The following EPHA5 variants were observed in gnomAD, a reference collection of about 807,000 sequenced individuals.
EPHA5 encodes the protein ephrin type-A receptor 5.
In EPHA5, 60 loss-of-function variants were observed where a neutral mutation model predicts 105.0. That is an observed-to-expected ratio of 0.57 (90% confidence interval 0.46 to 0.71). EPHA5 has a LOEUF of 0.71. EPHA5 is among the 30% of genes least tolerant of loss of function. EPHA5 has a pLI of 0.00. For synonymous variants in EPHA5, 513 were observed against 449.1 expected (o/e 1.14, Z -1.80); for missense variants, 1,218 against 1,274.7 (o/e 0.96, Z 0.68).
intron 2 of EPHA5, among the ~76,000 whole-genome samples, chr4:65,637,334 G>A (rs1482379444): frequency 6.7e-6 from 1 of 149,606 alleles, no homozygotes; most frequent in Admixed American, 6.7e-5. Flanking sequence ...GTCACAGATT[G>A]GTAACTTAAA....
chr4:65,563,196 C>T (rs1739197657), intron 3 of EPHA5, among the ~76,000 whole-genome samples: 1 of 151,888 alleles, frequency 6.6e-6, no homozygotes. Context: ...ACTTTAGATC[C>T]CCATTTGGCA....
At chr4:65,328,389 A>G (rs917294431) in intron 16 of EPHA5, among the ~76,000 whole-genome samples, 2 of 151,304 alleles carry the variant, frequency 1.3e-5, no homozygotes, top group Non-Finnish European at 1.5e-5. Flanking sequence ...GAATGAAAAT[A>G]GAGTAATAAA....
chr4:65,401,931 GAA>G (rs1721877654), intron 8 of EPHA5, among the ~76,000 whole-genome samples: 1 of 146,024 alleles, frequency 6.8e-6, no homozygotes, highest in African/African-American at 2.6e-5. Flanking sequence ...GAGAGAGAGA[GAA>G]AGAGAGAGAG....
chr4:65,454,390 AG>A (rs1727371770), intron 5 of EPHA5, among the ~76,000 whole-genome samples: 1 of 152,200 alleles, frequency 6.6e-6, no homozygotes, highest in East Asian at 1.9e-4. Flanking sequence ...AAATCTTTTT[AG>A]TTGTGTACAA....
chr4:65,371,374 A>C (rs1718453450), intron 8 of EPHA5, among the ~76,000 whole-genome samples: 1 of 152,002 alleles, frequency 6.6e-6, no homozygotes, highest in Admixed American at 6.6e-5. Context: ...TATACCAATG[A>C]CCTTATGGCT....
intron 12 of EPHA5, 104 bp downstream of exon 12, chr4:65,352,938 A>T: frequency 1.6e-6 from 1 of 637,096 alleles, no homozygotes; most frequent in Non-Finnish European, 2.6e-6. Context: ...CTTAAGCTTT[A>T]AAGTGGCCCA....
chr4:65,519,038 T>G (rs892295614), intron 3 of EPHA5, among the ~76,000 whole-genome samples: 8 of 152,150 alleles, frequency 5.3e-5, no homozygotes, highest in South Asian at 4.1e-4. Flanking sequence ...ACCAATATCC[T>G]TGATGAACAT....
rs369749650 is a variant in EPHA5 at position 65,357,873 on chromosome 4, T to C, written c.2174-4770A>G. On this transcript the variant is annotated intron_variant, in intron 11 of 16. Transcript: ENST00000613740. ...AAAAAAATGAGTTTTTTTAACTTAT[T>C]ATGTGACTTTTTTGGTGCTAACGTC... Among the ~76,000 whole-genome samples, 769 of 151,506 alleles carry C rather than the reference T, an allele frequency of 5.1e-3. 11 individuals carry two copies. Among genetic ancestry groups the C allele is most frequent in the African/African-American group, 0.018 (739 of 41,442 alleles).
intron 14 of EPHA5, among the ~76,000 whole-genome samples, chr4:65,340,122 G>A (rs1447522320): frequency 6.6e-6 from 1 of 152,020 alleles, no homozygotes. Context: ...TACTAACATG[G>A]TCTCATTCAA....
At chr4:65,342,743 T>C (rs1363637721) in intron 14 of EPHA5, among the ~76,000 whole-genome samples, 1 of 151,322 alleles carries the variant, frequency 6.6e-6, no homozygotes, top group African/African-American at 2.4e-5. Context: ...ATGAGCAATA[T>C]ACATACACAT....
intron 3 of EPHA5, among the ~76,000 whole-genome samples, chr4:65,594,981 T>C (rs973392226): frequency 1.3e-5 from 2 of 152,114 alleles, no homozygotes; most frequent in African/African-American, 4.8e-5. Context: ...CAGATTTTTA[T>C]AAGCAAATAC....
intron 5 of EPHA5, among the ~76,000 whole-genome samples, chr4:65,464,925 TAAC>T (rs1360947166): frequency 6.6e-6 from 1 of 152,136 alleles, no homozygotes; most frequent in Non-Finnish European, 1.5e-5. Context: ...TACTAATCAC[TAAC>T]AATTCAGTCA....
At chr4:65,487,952 T>G (rs142767713) in intron 5 of EPHA5, among the ~76,000 whole-genome samples, 292 of 152,298 alleles carry the variant, frequency 1.9e-3, no homozygotes, top group African/African-American at 6.4e-3. Context: ...AAAATAAGAC[T>G]TAGTGATTCT....
intron 1 of EPHA5, among the ~76,000 whole-genome samples, chr4:65,659,838 T>C (rs890976201): frequency 6.6e-6 from 1 of 152,150 alleles, no homozygotes; most frequent in African/African-American, 2.4e-5. Context: ...CATTAATACC[T>C]TTTGAAAATA....
intron 2 of EPHA5, among the ~76,000 whole-genome samples, chr4:65,620,775 T>C (rs1290648650): frequency 1.3e-5 from 2 of 152,166 alleles, no homozygotes; most frequent in Non-Finnish European, 2.9e-5. Context: ...AAGATTTTTC[T>C]GGAACAAAGA....
Position 65,525,051 on chromosome 4 carries a change from A to G in EPHA5, c.911-29508T>C, listed in dbSNP as rs190955769. On this transcript the variant is annotated intron_variant, in intron 3 of 16. Coordinates refer to ENST00000613740, the MANE Select transcript of EPHA5 (RefSeq NM_001281766.3). ...CATATTCTATCATCTTTTAAATTTCATGTATAGTCTTATGGTGTATATCTC... is the reference window on the plus strand; with the variant it reads ...CATATTCTATCATCTTTTAAATTTCGTGTATAGTCTTATGGTGTATATCTC... 2.2e-4 allele frequency among the ~76,000 whole-genome samples: 34 copies of G among 151,834 alleles called. No homozygotes were observed. The East Asian group carries it at 5.0e-3, about 22-fold the overall frequency.
chr4:65,575,892 G>T (rs1395699337), intron 3 of EPHA5, among the ~76,000 whole-genome samples: 1 of 150,988 alleles, frequency 6.6e-6, no homozygotes, highest in Admixed American at 6.7e-5. Flanking sequence ...CAGGAGAATT[G>T]CTTGAACCTG....
Position 65,365,961 on chromosome 4 carries a change from C to A in EPHA5, c.1958G>T (p.Cys653Phe). 2.5e-6 allele frequency: 4 copies of A among 1,608,838 alleles called. No homozygotes were observed. The highest frequency in any genetic ancestry group is 3.4e-6 in the Non-Finnish European group (4 of 1,176,334). ...TCCAATAACTCTCTCAATGGTGATA[C>A]ATGATGCTTCTATCTCCTTAGCAAA... ...HEFAKEIEASCITIERVIGAG... is the reference protein window; with the variant it reads ...HEFAKEIEASFITIERVIGAG... The change falls in exon 10 of 17, where the codon TGT becomes TTT. Residue 653 changes from cysteine (C) to phenylalanine (F), a missense_variant. Physicochemically the swap from Cys to Phe is radical, Grantham distance 205. Around this residue, in one of 3 missense-constraint regions of EPHA5, gnomAD observed 971 missense variants for 1,013.5 expected, o/e 0.96. Transcript: ENST00000613740.
intron 3 of EPHA5, among the ~76,000 whole-genome samples, chr4:65,594,280 A>G (rs1742961033): frequency 6.6e-6 from 1 of 152,184 alleles, no homozygotes; most frequent in Non-Finnish European, 1.5e-5. Context: ...ATAAATGTTT[A>G]TTATTAAGAG....
Sources: gnomAD v4.1 joint callset for allele counts (sites outside exome capture counted in the v4.1 genomes callset) on GRCh38, gnomAD v4.1.1 for gene constraint, gnomAD v4.1.1 regional missense constraint, MANE v1.5 for transcripts, NCBI Gene and HGNC (gene_info 2026-07-23, HGNC 2026-07-21) for gene names.